Variants in RALYL observed in about 807,000 individuals in gnomAD.
RALYL encodes the protein RNA-binding Raly-like protein.
Under a neutral mutation model 35.1 loss-of-function variants are expected in RALYL, and 29 were observed. That is an observed-to-expected ratio of 0.83 (90% CI 0.61 to 1.13). RALYL has a LOEUF of 1.13. RALYL is among the 50% of genes most tolerant of loss of function. RALYL has a pLI of 0.00. For synonymous variants in RALYL, 120 were observed against 127.6 expected (o/e 0.94, Z 0.40); for missense variants, 359 against 360.4 (o/e 1.00, Z 0.03).
intron 1 of RALYL, among the ~76,000 whole-genome samples, chr8:84,254,941 C>T (rs2131727188): frequency 6.6e-6 from 1 of 151,934 alleles, no homozygotes; most frequent in East Asian, 1.9e-4. Context: ...GCTCTTATGA[C>T]AACACGAACA....
At chr8:84,278,082 A>G (rs1835773122) in intron 1 of RALYL, among the ~76,000 whole-genome samples, 1 of 152,250 alleles carries the variant, frequency 6.6e-6, no homozygotes, top group Admixed American at 6.5e-5. Flanking sequence ...GAGGTTCTCC[A>G]TGAAGACCCT....
chr8:84,395,304 CTTA>C (rs1352136333), intron 1 of RALYL, among the ~76,000 whole-genome samples: 1 of 151,800 alleles, frequency 6.6e-6, no homozygotes, highest in African/African-American at 2.4e-5. Context: ...ATTGTGTCCT[CTTA>C]TTATTCCATT....
intron 1 of RALYL, among the ~76,000 whole-genome samples, chr8:84,276,460 G>A (rs1418316663): frequency 2.8e-4 from 43 of 152,042 alleles, no homozygotes; most frequent in Non-Finnish European, 1.0e-4. Context: ...TCTAATTCCT[G>A]CTTTTTGAAC....
intron 1 of RALYL, among the ~76,000 whole-genome samples, chr8:84,422,399 C>T (rs1043758713): frequency 2.2e-5 from 3 of 134,844 alleles, no homozygotes; most frequent in Non-Finnish European, 3.1e-5. Context: ...GTGATATCCC[C>T]TTTATCATTT....
intron 1 of RALYL, among the ~76,000 whole-genome samples, chr8:84,514,283 T>C (rs1381627374): frequency 1.3e-5 from 2 of 152,292 alleles, no homozygotes; most frequent in Admixed American, 6.5e-5. Context: ...AAACCATGAA[T>C]GTGTTAAGAT....
intron 2 of RALYL, among the ~76,000 whole-genome samples, chr8:84,672,625 C>T (rs1366305939): frequency 6.6e-6 from 1 of 152,142 alleles, no homozygotes; most frequent in African/African-American, 2.4e-5. Context: ...CTGGGGAGGT[C>T]TTATAATCAT....
intron 1 of RALYL, among the ~76,000 whole-genome samples, chr8:84,321,649 A>T (rs1181811719): frequency 6.6e-6 from 1 of 151,996 alleles, no homozygotes; most frequent in Non-Finnish European, 1.5e-5. Context: ...AAGCTGGGAG[A>T]AGGGAGAAGC....
At chr8:84,253,176 G>GTTTTTTTTTTTTTTTTTT (rs764942491) in intron 1 of RALYL, among the ~76,000 whole-genome samples, 1 of 52,822 alleles carries the variant, frequency 1.9e-5, no homozygotes, top group African/African-American at 8.7e-5. Flanking sequence ...TAGTTCTGCA[G>GTTTTTTTTTTTTTTTTTT]TTTTTTTTTT....
intron 2 of RALYL, among the ~76,000 whole-genome samples, chr8:84,660,389 G>C (rs1830683755): frequency 6.6e-6 from 1 of 151,792 alleles, no homozygotes; most frequent in Non-Finnish European, 1.5e-5. Flanking sequence ...TCTAAATGTT[G>C]TTAATTTCTG....
At chr8:84,849,760 C>T (rs1036133121) in intron 4 of RALYL, among the ~76,000 whole-genome samples, 2 of 151,992 alleles carry the variant, frequency 1.3e-5, no homozygotes, top group Non-Finnish European at 2.9e-5. Context: ...CATTCCAAAC[C>T]ACACCATTAT....
chr8:84,864,752 A>C, intron 6 of RALYL: 1 of 596,494 alleles, frequency 1.7e-6, no homozygotes, highest in Non-Finnish European at 3.2e-6. Context: ...CCTGGTTTAC[A>C]TGGTAGAAAA....
intron 2 of RALYL, among the ~76,000 whole-genome samples, chr8:84,598,718 A>G (rs1004436385): frequency 6.6e-6 from 1 of 152,184 alleles, no homozygotes; most frequent in African/African-American, 2.4e-5. Flanking sequence ...GATAACAAAA[A>G]TGTAGCATTA....
intron 2 of RALYL, among the ~76,000 whole-genome samples, chr8:84,685,805 A>T (rs939417697): frequency 6.6e-6 from 1 of 152,222 alleles, no homozygotes; most frequent in African/African-American, 2.4e-5. Context: ...AAACACATAC[A>T]TGATACAATA....
chr8:84,591,587 A>G (rs945342433), intron 2 of RALYL, among the ~76,000 whole-genome samples: 2 of 152,200 alleles, frequency 1.3e-5, no homozygotes, highest in Non-Finnish European at 2.9e-5. Context: ...GCTGTTTGTT[A>G]TACCAATATC....
At chr8:84,556,757 T>G (rs2061149681) in intron 2 of RALYL, among the ~76,000 whole-genome samples, 1 of 152,158 alleles carries the variant, frequency 6.6e-6, no homozygotes, top group Non-Finnish European at 1.5e-5. Context: ...ATTTTACCAC[T>G]CTGTTTCTAC....
chr8:84,188,277 C>T (rs908065844), intron 1 of RALYL, among the ~76,000 whole-genome samples: 2 of 151,924 alleles, frequency 1.3e-5, no homozygotes, highest in Non-Finnish European at 2.9e-5. Context: ...CTTCTTTTAT[C>T]ATACTGTCAT....
chr8:84,257,164 G>A (rs1378513642), intron 1 of RALYL, among the ~76,000 whole-genome samples: 1 of 151,732 alleles, frequency 6.6e-6, no homozygotes, highest in Non-Finnish European at 1.5e-5. Context: ...GAGAATTCGA[G>A]ATTTTTTTTA....
At chr8:84,672,982 C>A (rs7015427) in intron 2 of RALYL, among the ~76,000 whole-genome samples, 42,886 of 151,990 alleles carry the variant, frequency 0.28, 6,625 homozygotes, top group African/African-American at 0.4. Context: ...ACTAATTTAC[C>A]CTCTTACCAA....
At chr8:84,269,742 A>AT (rs1346115341) in intron 1 of RALYL, among the ~76,000 whole-genome samples, 1 of 151,952 alleles carries the variant, frequency 6.6e-6, no homozygotes, top group Non-Finnish European at 1.5e-5. Context: ...TATGGTTAAT[A>AT]TTTTTTCTGT....
Sources: allele counts gnomAD v4.1 joint callset (sites outside exome capture counted in the v4.1 genomes callset), GRCh38; gene constraint gnomAD v4.1.1; transcripts MANE v1.5; gene names NCBI Gene and HGNC (gene_info 2026-07-23, HGNC 2026-07-21).